TRIM41: variants seen among roughly 807,000 people sequenced by gnomAD.
TRIM41 encodes the protein E3 ubiquitin-protein ligase TRIM41.
In TRIM41, 21 loss-of-function variants were observed where a neutral mutation model predicts 60.6. That is an observed-to-expected ratio of 0.35 (90% CI 0.25 to 0.50). TRIM41 has a LOEUF of 0.50. TRIM41 is among the 20% of genes least tolerant of loss of function. TRIM41 has a pLI of 0.98. For synonymous variants in TRIM41, 407 were observed against 344.9 expected, an observed-to-expected ratio of 1.18 and a Z score of -2.00; for missense variants, 846 against 868.3, an observed-to-expected ratio of 0.97 and a Z score of 0.32.
At position 181,233,916 on chromosome 5, in the gene TRIM41, C is replaced by T; in HGVS notation, c.1291+153C>T. On this transcript the variant is annotated intron_variant, in intron 5 of 5. Transcript: ENST00000315073. This position sits in a 1 kb window ranked among gnomAD's most constrained non-coding sequence, Gnocchi z 4.1. Reference sequence around the variant, plus strand: ...TGAGGTTGAGGTTTCAAGCCATGAGCAGGTAGACCTAGTGCAGGCAGGCCT... The same window carrying T: ...TGAGGTTGAGGTTTCAAGCCATGAGTAGGTAGACCTAGTGCAGGCAGGCCT... The T allele has an allele frequency of 7.5e-7, 1 of 1,327,490 alleles. No homozygotes were observed. The highest frequency in any genetic ancestry group is 1.3e-5 in the South Asian group (1 of 74,116). 82.2% of individuals were successfully genotyped at this position (1,327,490 alleles called of 1,614,324 possible).
At chr5:181,232,531 C>T (rs763850506) in intron 2 of TRIM41, 128 bp from the exon 3 acceptor site, 74 of 858,626 alleles carry the variant, frequency 8.6e-5, no homozygotes, top group Admixed American at 1.1e-4. Flanking sequence ...AGCCTCTTTC[C>T]GGGACTATCT....
At chr5:181,226,844 T>C (rs977426950) in intron 1 of TRIM41, 1 of 150,320 alleles carries the variant, frequency 6.7e-6, no homozygotes, top group Non-Finnish European at 1.5e-5. Flanking sequence ...GGTGAGGAAT[T>C]AAAAAAAGTC....
chr5:181,226,357 G>C (rs1345760212), intron 1 of TRIM41: 2 of 152,162 alleles, frequency 1.3e-5, no homozygotes, highest in African/African-American at 2.4e-5. Context: ...CGCCTGTTTT[G>C]GCCTCCCAAA....
chr5:181,225,801 G>A (rs1758522233), intron 1 of TRIM41: 1 of 152,230 alleles, frequency 6.6e-6, no homozygotes, highest in South Asian at 2.1e-4. Context: ...CATAGGTAAA[G>A]GAGATTTGTT....
rs376725370 is a variant in TRIM41, at chr5:181,234,310, G to T, written c.1428G>T (p.Leu476=). 428 of 1,612,322 alleles carry T rather than the reference G, an allele frequency of 2.7e-4. No individual in the cohort carries two copies. The highest frequency in any genetic ancestry group is 3.5e-4 in the Non-Finnish European group (407 of 1,179,586). ...PKRFSADCCV[L]GAQGFRSGRH... ...GCTTCTCGGCCGACTGCTGCGTACT[G>T]GGGGCCCAGGGCTTCCGCTCCGGCC... The change falls in exon 6 of 6, where the codon CTG becomes CTT. Residue 476 remains leucine, a synonymous_variant. Transcript: ENST00000315073. The surrounding 1 kb of genome is among the most constrained non-coding windows in gnomAD (Gnocchi z 5.6).
chr5:181,234,457 C>T lies in TRIM41; in HGVS notation c.1575C>T (p.Ala525=). 1.2e-6 allele frequency: 2 copies of T among 1,612,226 alleles called. No individual in the cohort carries two copies. The highest frequency in any genetic ancestry group is 1.3e-5 in the African/African-American group (1 of 74,982). Residue 525 remains alanine (A), a synonymous_variant, in exon 6 of 6, where the codon GCC becomes GCT. Transcript: ENST00000315073. This position sits in a 1 kb window ranked among gnomAD's most constrained non-coding sequence, Gnocchi z 5.6. ...GTTCCTCCGTGGGCAGCGGGGATGCCAGCTCCTCGCGCCATCACCATCGCC... is the reference window on the plus strand; with the variant it reads ...GTTCCTCCGTGGGCAGCGGGGATGCTAGCTCCTCGCGCCATCACCATCGCC... ...PGGSSVGSGD[A]SSSRHHHRRR...
At chr5:181,231,003 A>T in intron 2 of TRIM41, 164 bp downstream of exon 2, 1 of 562,804 alleles carries the variant, frequency 1.8e-6, no homozygotes, top group South Asian at 1.9e-5. Context: ...GCGGGGCCTT[A>T]GAGAATCAGG....
Position 181,232,831 on chromosome 5 carries a change from G to A in TRIM41, c.1082G>A (p.Ser361Asn), listed in dbSNP as rs1237755033. 1 of 1,567,680 alleles carries A rather than the reference G, an allele frequency of 6.4e-7. No homozygotes were observed. Residue 361 changes from serine (S) to asparagine (N), a missense_variant, in exon 3 of 6, where the codon AGC (serine) becomes AAC (asparagine). By Grantham distance (46) the Ser-to-Asn change is conservative (BLOSUM62 1). Coordinates refer to ENST00000315073, the MANE Select transcript of TRIM41 (RefSeq NM_033549.5). ...CTTGCAGAACAGGCCGCCCAGCTCA[G>A]CCGCCTGCTGGCAGAGGCCCAGGAG... ...SRLAEQAAQL[S>N]RLLAEAQERS...
Position 181,224,819 on chromosome 5 carries a change from G to C in TRIM41, c.813+7G>C, listed in dbSNP as rs1758473548. The C allele has an allele frequency of 1.9e-6, 3 of 1,614,144 alleles. No homozygotes were observed. The highest frequency in any genetic ancestry group is 2.5e-6 in the Non-Finnish European group (3 of 1,180,036). On this transcript the variant is annotated splice_region_variant and intron_variant, in intron 1 of 5. Coordinates refer to ENST00000315073, the MANE Select transcript of TRIM41 (RefSeq NM_033549.5). ...GGTGGTGCAGGAGTACAAGGTGAGAGAAGTACAGAGAGAAGATGGGAGTTT... is the reference window on the plus strand; with the variant it reads ...GGTGGTGCAGGAGTACAAGGTGAGACAAGTACAGAGAGAAGATGGGAGTTT...
chr5:181,228,558 C>CAAAAAAAAAAAAA (rs1165609216), intron 1 of TRIM41: 1 of 50,392 alleles, frequency 2.0e-5, no homozygotes, highest in African/African-American at 6.4e-5. Flanking sequence ...ACTCCCATCT[C>CAAAAAAAAAAAAA]AAAAAAAAAA....
rs1289063363 is a variant in TRIM41, at chr5:181,224,503, C to T, written c.504C>T (p.Val168=). The change falls in exon 1 of 6, where the codon GTC becomes GTT. Residue 168 remains valine (V), a synonymous_variant. Transcript: ENST00000315073. The part of the protein sequence containing the change: ...EEVEEEDLDP[V]TPLPPPPAPR... ...TTGAGGAAGAGGATCTAGACCCCGT[C>T]ACCCCACTGCCCCCGCCTCCAGCCC... 3.1e-6 allele frequency: 5 copies of T among 1,612,326 alleles called. No individual in the cohort carries two copies. The highest frequency in any genetic ancestry group is 1.7e-5 in the Admixed American group (1 of 59,992).
rs759933393 is a variant in TRIM41, at chr5:181,233,381, CCT to C, written c.1141-28_1141-27del. 1 of 1,606,204 alleles carries C rather than the reference CCT, an allele frequency of 6.2e-7. No individual in the cohort carries two copies. Among genetic ancestry groups the C allele is most frequent in the Non-Finnish European group, 8.5e-7 (1 of 1,173,352 alleles). ...CTGACACTCTCTTTATCTCTTTCTCCCTCTCCCTCTTTTTGTTTCTCTTATTC... is the reference window on the plus strand; with the variant it reads ...CTGACACTCTCTTTATCTCTTTCTCCCTCCCTCTTTTTGTTTCTCTTATTC... On this transcript the variant is annotated intron_variant, in intron 3 of 5. Coordinates refer to ENST00000315073, the MANE Select transcript of TRIM41 (RefSeq NM_033549.5). The surrounding 1 kb of genome is among the most constrained non-coding windows in gnomAD (Gnocchi z 4.1).
chr5:181,225,974 T>C (rs1758534234), intron 1 of TRIM41: 1 of 152,216 alleles, frequency 6.6e-6, no homozygotes, highest in Non-Finnish European at 1.5e-5. Flanking sequence ...TGCTATAACT[T>C]CATTTAGGTA....
Position 181,233,281 on chromosome 5 carries a change from G to A in TRIM41, c.1141-132G>A, listed in dbSNP as rs931233635. The A allele has an allele frequency of 1.6e-5, 15 of 946,588 alleles. No homozygotes were observed. Among genetic ancestry groups the A allele is most frequent in the South Asian group, 1.2e-4 (9 of 77,442 alleles). 58.6% of individuals were successfully genotyped at this position (946,588 alleles called of 1,614,324 possible). Reference sequence around the variant, plus strand: ...AATGGATGTGTGTTCATTGAGGGCCGTGAGGGTGCTGCTTCTCCCTTCCTG... The same window carrying A: ...AATGGATGTGTGTTCATTGAGGGCCATGAGGGTGCTGCTTCTCCCTTCCTG... On this transcript the variant is annotated intron_variant, in intron 3 of 5. Transcript: ENST00000315073. The surrounding 1 kb of genome is among the most constrained non-coding windows in gnomAD (Gnocchi z 4.1).
rs752121289 is a variant in TRIM41, at chr5:181,235,012, GATA to G, written c.*240_*242del. 8.5e-5 allele frequency: 137 copies of G among 1,614,042 alleles called. 1 individual carries two copies. The highest frequency in any genetic ancestry group is 8.2e-4 in the Middle Eastern group (5 of 6,062). On this transcript the variant is annotated 3_prime_UTR_variant, in exon 6 of 6. Transcript: ENST00000315073. ...GTCCAACAGGTCTGCATGGGTCCCTGATAATGAGAACAGCTGCCTGGTCTTCTC... is the reference window on the plus strand; with the variant it reads ...GTCCAACAGGTCTGCATGGGTCCCTGATGAGAACAGCTGCCTGGTCTTCTC...
At chr5:181,230,635 G>C in intron 1 of TRIM41, 109 bp from the exon 2 acceptor site, 2 of 772,274 alleles carry the variant, frequency 2.6e-6, no homozygotes, top group Middle Eastern at 3.8e-4. Context: ...CCATTTTCGG[G>C]GGTAGGGATC....
Position 181,233,059 on chromosome 5 carries a change from G to A in TRIM41, c.1140+170G>A, listed in dbSNP as rs1376601416. The A allele has an allele frequency of 1.3e-6, 1 of 768,268 alleles. No individual in the cohort carries two copies. Among genetic ancestry groups the A allele is most frequent in the Non-Finnish European group, 2.2e-6 (1 of 445,554 alleles). 47.6% of individuals were successfully genotyped at this position (768,268 alleles called of 1,614,324 possible). A position where few individuals can be genotyped will look rare whatever the true frequency, so the allele number is the denominator to read the frequency against. ...GCTGGAAACAGAGTTAATGTCGAAT[G>A]TGGTATGTGTGGCGATTATACCCAG... is the stretch of plus-strand genomic sequence containing the variant. On this transcript the variant is annotated intron_variant, in intron 3 of 5. Transcript: ENST00000315073. This position sits in a 1 kb window ranked among gnomAD's most constrained non-coding sequence, Gnocchi z 4.1.
At position 181,234,022 on chromosome 5, in the gene TRIM41, AGCAAG is replaced by A. The variant is rs1758930587; in HGVS notation, c.1292-151_1292-147del. ...AGGTATCCTAGGAACAAGAGTGAGG[AGCAAG>A]ATGAGCCTGCAGGAATCTGAGGCTG... On this transcript the variant is annotated intron_variant, in intron 5 of 5. Coordinates refer to ENST00000315073, the MANE Select transcript of TRIM41 (RefSeq NM_033549.5). The surrounding 1 kb of genome is among the most constrained non-coding windows in gnomAD (Gnocchi z 5.6). 1.5e-6 allele frequency: 2 copies of A among 1,372,128 alleles called. No homozygotes were observed. The highest frequency in any genetic ancestry group is 3.6e-5 in the Admixed American group (2 of 55,734). The allele number at this position is 1,372,128 out of a possible 1,614,324, so 85.0% of individuals were successfully genotyped here. A position where few individuals can be genotyped will look rare whatever the true frequency, so the allele number is the denominator to read the frequency against.
Position 181,235,518 on chromosome 5 carries a change from AC to A in TRIM41, c.*747del, listed in dbSNP as rs1759070749. ...AGGAGCAAAGCTCATCCCACCCCAC[AC>A]CCCTCCCAGGTCTGCTCACTGCCAG... On this transcript the variant is annotated 3_prime_UTR_variant, in exon 6 of 6. Coordinates refer to ENST00000315073, the MANE Select transcript of TRIM41 (RefSeq NM_033549.5). 1 of 1,306,960 alleles carries A rather than the reference AC, an allele frequency of 7.7e-7. No homozygotes were observed. Among genetic ancestry groups the A allele is most frequent in the Admixed American group, 2.0e-5 (1 of 49,722 alleles). 81.0% of individuals were successfully genotyped at this position (1,306,960 alleles called of 1,614,324 possible). A position where few individuals can be genotyped will look rare whatever the true frequency, so the allele number is the denominator to read the frequency against.
Sources: gnomAD v4.1 joint callset for allele counts on GRCh38, gnomAD v4.1.1 for gene constraint, Gnocchi (gnomAD v3.1) non-coding constraint, MANE v1.5 for transcripts, NCBI Gene and HGNC (gene_info 2026-07-23, HGNC 2026-07-21) for gene names.